RIN3: variants seen among roughly 807,000 people sequenced by gnomAD.
The protein encoded by RIN3 is Ras and Rab interactor 3.
A neutral mutation model predicts 76.3 loss-of-function variants in RIN3; 54 were observed. The observed-to-expected ratio is 0.71, with a 90% confidence interval of 0.57 to 0.89. The LOEUF (loss-of-function observed/expected upper bound fraction) is 0.89. RIN3 is among the 40% of genes least tolerant of loss of function. The pLI is 0.00. For missense variants in RIN3, 1,256 were observed against 1,322.1 expected, an observed-to-expected ratio of 0.95 and a Z score of 0.78; for synonymous variants, 576 against 564.0, an observed-to-expected ratio of 1.02 and a Z score of -0.30.
chr14:92,683,184 A>T (rs1888730085), intron 8 of RIN3, among the ~76,000 whole-genome samples: 1 of 152,090 alleles, frequency 6.6e-6, no homozygotes, highest in African/African-American at 2.4e-5. Flanking sequence ...AAAAGAAGAA[A>T]AAAATCGTCA....
At chr14:92,581,252 G>A (rs1898426959) in intron 3 of RIN3, among the ~76,000 whole-genome samples, 1 of 152,170 alleles carries the variant, frequency 6.6e-6, no homozygotes, top group Non-Finnish European at 1.5e-5. Flanking sequence ...GGGAGATAGA[G>A]AGGACCATCA....
At position 92,685,689 on chromosome 14, in the gene RIN3, A is replaced by C. The variant is rs1268119099; in HGVS notation, c.2631+539A>C. The C allele has an allele frequency of 1.0e-5, 1 of 96,250 alleles. No individual in the cohort carries two copies. The highest frequency in any genetic ancestry group is 4.8e-3 in the Middle Eastern group (1 of 208). The allele number at this position is 96,250 out of a possible 1,614,324, so 6.0% of individuals were successfully genotyped here. A position where few individuals can be genotyped will look rare whatever the true frequency, so the allele number is the denominator to read the frequency against. On this transcript the variant is annotated intron_variant, in intron 9 of 9. Transcript: ENST00000216487. The surrounding 1 kb of genome is among the most constrained non-coding windows in gnomAD (Gnocchi z 4.7). The stretch of plus-strand genomic sequence containing the variant: ...ATCACCCCACCCACCCCCAGGCTGC[A>C]TCAAATCCAGCTGCCCCCAGTTCCC...
chr14:92,684,630 A>C (rs1475665098), intron 8 of RIN3, among the ~76,000 whole-genome samples: 1 of 151,672 alleles, frequency 6.6e-6, no homozygotes. Context: ...TCTCCTGCCC[A>C]CCCTGTCTCC....
At chr14:92,610,391 A>C (rs1426462186) in intron 3 of RIN3, among the ~76,000 whole-genome samples, 1 of 151,938 alleles carries the variant, frequency 6.6e-6, no homozygotes, top group African/African-American at 2.4e-5. Context: ...TATTTGGCCC[A>C]TTCTGGATCT....
At chr14:92,574,205 C>G (rs1039368143) in intron 2 of RIN3, among the ~76,000 whole-genome samples, 2 of 152,194 alleles carry the variant, frequency 1.3e-5, no homozygotes, top group African/African-American at 4.8e-5. Flanking sequence ...CTGAACAGGT[C>G]TTCGGTCCAT....
rs1888967375 is a variant in RIN3, at chr14:92,688,526, G to A, written c.*274G>A. ...GCTCAGGAGAGAGGCGCTCCAGGCCGCTGCAGCCAACAAACCGGCGCCCTC... is the reference window on the plus strand; with the variant it reads ...GCTCAGGAGAGAGGCGCTCCAGGCCACTGCAGCCAACAAACCGGCGCCCTC... On this transcript the variant is annotated 3_prime_UTR_variant, in exon 10 of 10. Transcript: ENST00000216487. 46 of 503,798 alleles carry A rather than the reference G, an allele frequency of 9.1e-5. No individual in the cohort carries two copies. The South Asian group carries it at 1.2e-3, about 13-fold the overall frequency. The allele number at this position is 503,798 out of a possible 1,614,324, so 31.2% of individuals were successfully genotyped here. A position where few individuals can be genotyped will look rare whatever the true frequency, so the allele number is the denominator to read the frequency against.
rs556790330 is a variant in RIN3 at position 92,648,586 on chromosome 14, C to T, written c.533-2996C>T. On this transcript the variant is annotated intron_variant, in intron 5 of 9. Coordinates refer to ENST00000216487, the MANE Select transcript of RIN3 (RefSeq NM_024832.5). This position sits in a 1 kb window ranked among gnomAD's most constrained non-coding sequence, Gnocchi z 4.1. ...TCCTCAGAGGCCTGACTCTCCACTC[C>T]GGCTAAGCTAATCCACTCATGGGTG... 6.6e-6 allele frequency among the ~76,000 whole-genome samples: 1 copy of T among 152,146 alleles called. No homozygotes were observed. Among genetic ancestry groups the T allele is most frequent in the Non-Finnish European group, 1.5e-5 (1 of 68,044 alleles).
chr14:92,678,920 C>G (rs548733499), intron 8 of RIN3, among the ~76,000 whole-genome samples: 11 of 152,294 alleles, frequency 7.2e-5, no homozygotes, highest in Admixed American at 7.2e-4. Context: ...ACCACAGGCA[C>G]GGTGGCTGAG....
Position 92,556,088 on chromosome 14 carries a change from A to G in RIN3, c.249+133A>G, listed in dbSNP as rs185112872. ...CTGCATGTTTATTTCCCTTTCCTAC[A>G]TTTGTCAGCTTTTGACCACAATTTT... On this transcript the variant is annotated intron_variant, in intron 2 of 9. Transcript: ENST00000216487. 6,442 of 764,128 alleles carry G rather than the reference A, an allele frequency of 8.4e-3. 43 individuals are homozygous for G. The highest frequency in any genetic ancestry group is 0.011 in the Non-Finnish European group (5,362 of 474,404). The allele number at this position is 764,128 out of a possible 1,614,324, so 47.3% of individuals were successfully genotyped here.
intron 3 of RIN3, chr14:92,586,399 T>G (rs1218448486): frequency 1.3e-5 from 2 of 152,244 alleles, no homozygotes; most frequent in African/African-American, 2.4e-5. Context: ...TTATTACTCA[T>G]AGAGGTTTTG....
chr14:92,556,032 TC>T, intron 2 of RIN3, 77 bp downstream of exon 2: 1 of 1,225,662 alleles, frequency 8.2e-7, no homozygotes, highest in Non-Finnish European at 1.2e-6. Flanking sequence ...CTGCCCTGGC[TC>T]CCACAGGGAA....
intron 3 of RIN3, among the ~76,000 whole-genome samples, chr14:92,602,961 C>T (rs73328377): frequency 0.099 from 15,011 of 152,286 alleles, 928 homozygotes; most frequent in Non-Finnish European, 0.14. Context: ...CATTTGGAAG[C>T]AGCCTTGCTT....
chr14:92,522,319 GGT>G (rs58386124), intron 1 of RIN3, among the ~76,000 whole-genome samples: 9 of 149,974 alleles, frequency 6.0e-5, no homozygotes, highest in Non-Finnish European at 8.9e-5. Flanking sequence ...GTATGTATGT[GGT>G]GTGTGTGTGT....
At chr14:92,529,895 A>G (rs1896839777) in intron 1 of RIN3, among the ~76,000 whole-genome samples, 1 of 152,226 alleles carries the variant, frequency 6.6e-6, no homozygotes, top group South Asian at 2.1e-4. Flanking sequence ...TTCAGTGTCA[A>G]TGAATCAAGA....
Position 92,576,611 on chromosome 14 carries a change from G to A in RIN3, c.250-749G>A, listed in dbSNP as rs112033500. On this transcript the variant is annotated intron_variant, in intron 2 of 9. Transcript: ENST00000216487. ...CTTGGCCAGGATCACCTTCCAGAGCGTGTCCTGTGGGCCAAGCCCTAACAG... is the reference window on the plus strand; with the variant it reads ...CTTGGCCAGGATCACCTTCCAGAGCATGTCCTGTGGGCCAAGCCCTAACAG... Among the ~76,000 whole-genome samples, 269 of 152,290 alleles carry A rather than the reference G, an allele frequency of 1.8e-3. 1 individual carries two copies. The highest frequency in any genetic ancestry group is 3.2e-3 in the Non-Finnish European group (217 of 68,030).
chr14:92,635,862 A>G (rs1886756655), intron 4 of RIN3, among the ~76,000 whole-genome samples: 1 of 152,192 alleles, frequency 6.6e-6, no homozygotes, highest in African/African-American at 2.4e-5. Flanking sequence ...CAAAAAAGAA[A>G]AAAGGAATAC....
intron 1 of RIN3, among the ~76,000 whole-genome samples, chr14:92,542,125 C>CA (rs1208188892): frequency 6.6e-6 from 1 of 151,854 alleles, no homozygotes; most frequent in Non-Finnish European, 1.5e-5. Flanking sequence ...CCTGTCTGTA[C>CA]AAAAAATAAA....
At chr14:92,567,750 G>A (rs116514851) in intron 2 of RIN3, among the ~76,000 whole-genome samples, 1 of 150,294 alleles carries the variant, frequency 6.7e-6, no homozygotes, top group Non-Finnish European at 1.5e-5. Flanking sequence ...TTAATCTACT[G>A]TGGAGGTGAA....
At chr14:92,638,048 A>T (rs1440542624) in intron 4 of RIN3, among the ~76,000 whole-genome samples, 1 of 152,182 alleles carries the variant, frequency 6.6e-6, no homozygotes, top group Non-Finnish European at 1.5e-5. Context: ...CACATAGTAG[A>T]TGCTCAGCAA....
Sources: allele counts gnomAD v4.1 joint callset (sites outside exome capture counted in the v4.1 genomes callset), GRCh38; gene constraint gnomAD v4.1.1; non-coding constraint Gnocchi (gnomAD v3.1); transcripts MANE v1.5; gene names NCBI Gene and HGNC (gene_info 2026-07-23, HGNC 2026-07-21).